NTMT2: variants seen among roughly 807,000 people sequenced by gnomAD.
NTMT2 encodes the protein N-terminal Xaa-Pro-Lys N-methyltransferase 2.
In NTMT2, 21 loss-of-function variants were observed where a neutral mutation model predicts 23.4. The ratio of observed to expected loss-of-function variants is 0.90; its 90% CI spans 0.64 to 1.29. NTMT2 has a LOEUF of 1.29. Ranked by LOEUF, NTMT2 falls within the 50% of genes most tolerant of loss-of-function variation. The pLI, the probability that NTMT2 is intolerant of heterozygous loss-of-function variation, is 0.00. For missense variants in NTMT2, 336 were observed against 352.0 expected, an observed-to-expected ratio of 0.95 and a Z score of 0.36; for synonymous variants, 131 against 127.7, an observed-to-expected ratio of 1.03 and a Z score of -0.17.
rs1673110361 is a variant in NTMT2, at chr1:170,153,578, A to G, written c.155-6940A>G. ...CAAAGAGCTTAGTTGCATTGTATCC[A>G]TGTCCTAGGGATCTCTGGAAGATTG... On this transcript the variant is annotated intron_variant, in intron 1 of 3. Transcript: ENST00000439373. Among the ~76,000 whole-genome samples the G allele has an allele frequency of 3.9e-5, 6 of 152,240 alleles. No individual in the cohort carries two copies. The South Asian group carries it at 8.3e-4, about 21-fold the overall frequency.
chr1:170,165,425 A>G (rs1474519433), intron 2 of NTMT2, among the ~76,000 whole-genome samples: 1 of 152,164 alleles, frequency 6.6e-6, no homozygotes, highest in Non-Finnish European at 1.5e-5. Flanking sequence ...CCAGAAAACA[A>G]TGTTTAGCAT....
chr1:170,149,968 C>T (rs1673036755), intron 1 of NTMT2, among the ~76,000 whole-genome samples: 1 of 152,190 alleles, frequency 6.6e-6, no homozygotes, highest in Non-Finnish European at 1.5e-5. Flanking sequence ...TGCTTCCTCT[C>T]CAGCTCTGCT....
intron 2 of NTMT2, 120 bp downstream of exon 2, chr1:170,160,813 C>A: frequency 1.3e-6 from 1 of 773,366 alleles, no homozygotes; most frequent in Non-Finnish European, 1.9e-6. Flanking sequence ...AGAGTTCTGC[C>A]GCCTGCAAGC....
intron 1 of NTMT2, among the ~76,000 whole-genome samples, chr1:170,149,022 A>G (rs1044535270): frequency 6.6e-6 from 1 of 152,244 alleles, no homozygotes; most frequent in African/African-American, 2.4e-5. Flanking sequence ...TGTATTTTGG[A>G]GATAAAAATA....
In NTMT2 at chr1:170,167,700, C is replaced by T. The variant is rs1355215602; in HGVS notation, c.795C>T (p.Phe265=). 2.6e-6 allele frequency: 4 copies of T among 1,551,444 alleles called. No individual in the cohort carries two copies. In the Middle Eastern group the frequency reaches 5.0e-4, roughly 194 times the overall value. The change falls in exon 4 of 4, where the codon TTC becomes TTT. Residue 265 remains phenylalanine, a synonymous_variant. Transcript: ENST00000439373. ...TGGGCCAGGAGAAGCAGGATGGCTT[C>T]CCAGAGCAGTGCATCCCCGTGTGGA... ...VVLGQEKQDG[F]PEQCIPVWMF... is the part of the protein sequence containing the mutation.
rs530932114 is a variant in NTMT2, at chr1:170,147,990, A to G, written c.154+1729A>G. 1.9e-4 allele frequency among the ~76,000 whole-genome samples: 29 copies of G among 152,272 alleles called. No homozygotes were observed. The East Asian group carries it at 5.6e-3, about 29-fold the overall frequency. On this transcript the variant is annotated intron_variant, in intron 1 of 3. Coordinates refer to ENST00000439373, the MANE Select transcript of NTMT2 (RefSeq NM_001136107.2). ...ATGAGTTTTGACCTTTTAAAAAAACATTATTATCAAAAGGCAAAGTTTTTG... is the reference window on the plus strand; with the variant it reads ...ATGAGTTTTGACCTTTTAAAAAAACGTTATTATCAAAAGGCAAAGTTTTTG...
intron 1 of NTMT2, chr1:170,158,066 A>C (rs578127335): frequency 6.6e-6 from 1 of 152,082 alleles, no homozygotes; most frequent in African/African-American, 2.4e-5. Context: ...TGTAACCCTC[A>C]TTGGGCTGGA....
chr1:170,167,335 T>C (rs1019376042), intron 3 of NTMT2, 151 bp from the exon 4 acceptor site: 1 of 715,520 alleles, frequency 1.4e-6, no homozygotes, highest in African/African-American at 1.8e-5. Flanking sequence ...CTTATCTAAA[T>C]TTTCAAAGCC....
intron 2 of NTMT2, among the ~76,000 whole-genome samples, chr1:170,161,312 G>T (rs1673269435): frequency 6.6e-6 from 1 of 150,454 alleles, no homozygotes; most frequent in African/African-American, 2.4e-5. Context: ...AAAAAAAAAA[G>T]TTAGAAGGAA....
At position 170,166,590 on chromosome 1, in the gene NTMT2, A is replaced by G. The variant is rs1211768404; in HGVS notation, c.419A>G (p.Asn140Ser). 1.3e-6 allele frequency: 2 copies of G among 1,552,290 alleles called. No homozygotes were observed. The highest frequency in any genetic ancestry group is 1.7e-6 in the Non-Finnish European group (2 of 1,147,116). The change falls in exon 3 of 4, where the codon AAC (asparagine) becomes AGC (serine). Residue 140 changes from asparagine to serine, a missense_variant. Physicochemically the swap from Asn to Ser is conservative, Grantham distance 46. Transcript: ENST00000439373. Reference sequence around the variant, plus strand: ...AAACACGTCTTATTGCCTGTTTTCAACAGTGTGGAGCTGGTGGATATGATG... The same window carrying G: ...AAACACGTCTTATTGCCTGTTTTCAGCAGTGTGGAGCTGGTGGATATGATG... ...VSKHVLLPVF[N>S]SVELVDMMES...
chr1:170,166,142 T>TTTC (rs1157679223), intron 2 of NTMT2, among the ~76,000 whole-genome samples: 6,199 of 132,908 alleles, frequency 0.047, 130 homozygotes, highest in Middle Eastern at 0.083. Flanking sequence ...TTTTTTTTCT[T>TTTC]TTTTTTTTTT....
At chr1:170,166,254 C>T (rs934822874) in intron 2 of NTMT2, among the ~76,000 whole-genome samples, 1 of 149,118 alleles carries the variant, frequency 6.7e-6, no homozygotes, top group Non-Finnish European at 1.5e-5. Flanking sequence ...ATTCTCCTGC[C>T]TCAGCCTCCC....
intron 2 of NTMT2, among the ~76,000 whole-genome samples, chr1:170,165,942 A>G (rs1428549977): frequency 1.3e-5 from 2 of 151,608 alleles, no homozygotes; most frequent in African/African-American, 4.8e-5. Context: ...AGAAAGCAGG[A>G]CTAGAAATGT....
chr1:170,155,204 A>G (rs2102234273), intron 1 of NTMT2, among the ~76,000 whole-genome samples: 1 of 152,288 alleles, frequency 6.6e-6, no homozygotes, highest in Non-Finnish European at 1.5e-5. Context: ...GTGTTTCTTT[A>G]TAGTAACACA....
chr1:170,161,195 A>G (rs1354858345), intron 2 of NTMT2, among the ~76,000 whole-genome samples: 2 of 151,810 alleles, frequency 1.3e-5, no homozygotes, highest in Admixed American at 6.6e-5. Context: ...GCTACTTGGG[A>G]GGCTGAGGCA....
intron 1 of NTMT2, among the ~76,000 whole-genome samples, chr1:170,158,385 TATTC>T (rs1673205300): frequency 6.6e-6 from 1 of 152,088 alleles, no homozygotes; most frequent in African/African-American, 2.4e-5. Context: ...ACCAATAAAT[TATTC>T]ATTATTTGTC....
rs1294349371 is a variant in NTMT2 at position 170,168,843 on chromosome 1, A to T, written c.*1086A>T. 1.3e-5 allele frequency among the ~76,000 whole-genome samples: 2 copies of T among 152,272 alleles called. No individual in the cohort carries two copies. Among genetic ancestry groups the T allele is most frequent in the African/African-American group, 4.8e-5 (2 of 41,476 alleles). Reference sequence around the variant, plus strand: ...AAATTGACTAGCTGGACATTGGTTTAATTAAAAATAATCTAAAATCATTCA... The same window carrying T: ...AAATTGACTAGCTGGACATTGGTTTTATTAAAAATAATCTAAAATCATTCA... On this transcript the variant is annotated 3_prime_UTR_variant, in exon 4 of 4. Coordinates refer to ENST00000439373, the MANE Select transcript of NTMT2 (RefSeq NM_001136107.2).
chr1:170,152,478 A>C (rs147992712), intron 1 of NTMT2, among the ~76,000 whole-genome samples: 64 of 152,332 alleles, frequency 4.2e-4, no homozygotes, highest in African/African-American at 1.2e-3. Flanking sequence ...TCCCCAATTT[A>C]GAAGTCAGGA....
chr1:170,150,128 C>A (rs578112824), intron 1 of NTMT2, among the ~76,000 whole-genome samples: 1 of 152,228 alleles, frequency 6.6e-6, no homozygotes, highest in South Asian at 2.1e-4. Context: ...ATGGAAAGAA[C>A]GGTGGCTAAC....
Sources: gnomAD v4.1 joint callset for allele counts (sites outside exome capture counted in the v4.1 genomes callset) on GRCh38, gnomAD v4.1.1 for gene constraint, MANE v1.5 for transcripts, NCBI Gene and HGNC (gene_info 2026-07-23, HGNC 2026-07-21) for gene names.